LRMDA: variants seen among roughly 807,000 people sequenced by gnomAD.
The protein encoded by LRMDA is leucine-rich melanocyte differentiation-associated protein.
LRMDA carries 18 observed loss-of-function variants against 29.8 expected under a neutral mutation model. The observed-to-expected ratio is 0.60, with a 90% confidence interval of 0.42 to 0.90. The LOEUF is 0.90. Ranked by LOEUF, LRMDA falls within the 40% of genes least tolerant of loss-of-function variation. The pLI, the probability that LRMDA is intolerant of heterozygous loss-of-function variation, is 0.00. For missense variants in LRMDA, 273 were observed against 273.9 expected (o/e 1.00, Z 0.02); for synonymous variants, 125 against 109.4 (o/e 1.14, Z -0.89).
intron 6 of LRMDA, among the ~76,000 whole-genome samples, chr10:76,434,328 T>C (rs1351548660): frequency 6.6e-6 from 1 of 152,088 alleles, no homozygotes; most frequent in Non-Finnish European, 1.5e-5. Context: ...TTATTTACTC[T>C]CTCTCTCTCT....
intron 2 of LRMDA, among the ~76,000 whole-genome samples, chr10:75,712,400 C>T (rs1033313348): frequency 7.5e-6 from 1 of 133,920 alleles, no homozygotes; most frequent in Non-Finnish European, 1.6e-5. Flanking sequence ...GTCAGCAGAT[C>T]GCGGATCCGG....
At chr10:75,629,942 A>G (rs1373945198) in intron 2 of LRMDA, among the ~76,000 whole-genome samples, 2 of 152,230 alleles carry the variant, frequency 1.3e-5, no homozygotes, top group Admixed American at 1.3e-4. Flanking sequence ...TAGAAAATTT[A>G]TTGCAGATCA....
chr10:75,643,886 G>A (rs1589144243), intron 2 of LRMDA, among the ~76,000 whole-genome samples: 1 of 152,302 alleles, frequency 6.6e-6, no homozygotes, highest in African/African-American at 2.4e-5. Context: ...AGTGATGTGA[G>A]TCCTGTATTT....
rs116387740 is a variant in LRMDA at position 76,125,210 on chromosome 10, G to A, written c.516+66427G>A. Among the ~76,000 whole-genome samples the A allele has an allele frequency of 4.7e-3, 709 of 152,200 alleles. 5 individuals are homozygous for A. The highest frequency in any genetic ancestry group is 0.016 in the African/African-American group (658 of 41,500). ...CTGTCAGCTGACTGCAATAGAAATC[G>A]CTGTTTCCACTTCTTCCTGTTAACA... On this transcript the variant is annotated intron_variant, in intron 5 of 6. Transcript: ENST00000611255.
At chr10:75,762,343 A>C (rs1843107836) in intron 2 of LRMDA, among the ~76,000 whole-genome samples, 1 of 152,228 alleles carries the variant, frequency 6.6e-6, no homozygotes, top group South Asian at 2.1e-4. Flanking sequence ...ACTTTGTGAA[A>C]ACATTATGAG....
At chr10:75,706,153 C>T (rs909801155) in intron 2 of LRMDA, among the ~76,000 whole-genome samples, 8 of 152,080 alleles carry the variant, frequency 5.3e-5, no homozygotes, top group Non-Finnish European at 1.2e-4. Context: ...AGACTGCATA[C>T]TATTCTATCA....
At chr10:75,970,191 A>G (rs913799747) in intron 2 of LRMDA, among the ~76,000 whole-genome samples, 10 of 152,176 alleles carry the variant, frequency 6.6e-5, no homozygotes, top group African/African-American at 2.4e-4. Context: ...TTTGTGGAAA[A>G]GGAGTGGGCT....
rs12411499 is a variant in LRMDA at position 75,559,793 on chromosome 10, G to A, written c.131+121299G>A. On this transcript the variant is annotated intron_variant, in intron 2 of 6. Coordinates refer to ENST00000611255, the MANE Select transcript of LRMDA (RefSeq NM_001305581.2). ...AGCACCATTTATTAAATAGGGAATC[G>A]TTTCCCCATTTCTTGTTTTTGTCAG... 4.6e-4 allele frequency among the ~76,000 whole-genome samples: 29 copies of A among 62,874 alleles called. 5 individuals are homozygous for A. Among genetic ancestry groups the A allele is most frequent in the African/African-American group, 8.0e-4 (23 of 28,576 alleles). The allele number at this position is 62,874 out of a possible 152,430, so 41.2% of individuals were successfully genotyped here.
At chr10:75,970,534 T>C (rs772814060) in intron 2 of LRMDA, among the ~76,000 whole-genome samples, 1 of 152,262 alleles carries the variant, frequency 6.6e-6, no homozygotes, top group South Asian at 2.1e-4. Context: ...CTTTAATTGC[T>C]TGGGTCCCAC....
intron 2 of LRMDA, among the ~76,000 whole-genome samples, chr10:75,737,303 G>A (rs535164811): frequency 6.6e-6 from 1 of 152,354 alleles, no homozygotes; most frequent in South Asian, 2.1e-4. Flanking sequence ...GAATGCGTCA[G>A]ATGTGCTCAG....
intron 2 of LRMDA, among the ~76,000 whole-genome samples, chr10:75,576,846 A>G (rs1840512100): frequency 6.6e-6 from 1 of 152,204 alleles, no homozygotes. Flanking sequence ...ATCAACATCA[A>G]CAAAAAGGAT....
chr10:75,552,413 G>GTTTT, intron 2 of LRMDA: 2 of 231,224 alleles, frequency 8.6e-6, no homozygotes, highest in Non-Finnish European at 9.2e-6. Flanking sequence ...TTTGTTCTGT[G>GTTTT]TTTTTTTTTT....
At chr10:75,448,047 C>T (rs558949179) in intron 2 of LRMDA, among the ~76,000 whole-genome samples, 17 of 152,130 alleles carry the variant, frequency 1.1e-4, no homozygotes, top group Admixed American at 2.0e-4. Flanking sequence ...CTTTGTGCCA[C>T]GGTAAGACTG....
intron 6 of LRMDA, among the ~76,000 whole-genome samples, chr10:76,432,041 C>T (rs1564539916): frequency 6.6e-6 from 1 of 152,168 alleles, no homozygotes; most frequent in Non-Finnish European, 1.5e-5. Context: ...TCTTTATCAG[C>T]AGTGTGAAAA....
At chr10:75,969,262 G>A (rs1392298391) in intron 2 of LRMDA, among the ~76,000 whole-genome samples, 1 of 152,196 alleles carries the variant, frequency 6.6e-6, no homozygotes, top group East Asian at 1.9e-4. Context: ...TGAGTCTAAA[G>A]TCTGTTTTCC....
chr10:76,232,035 G>T (rs796298266), intron 5 of LRMDA, among the ~76,000 whole-genome samples: 4 of 152,248 alleles, frequency 2.6e-5, no homozygotes, highest in African/African-American at 9.6e-5. Flanking sequence ...GTAAATGGAG[G>T]TGAAACCCAG....
chr10:75,971,736 T>G (rs183794189), intron 2 of LRMDA, among the ~76,000 whole-genome samples: 1 of 152,334 alleles, frequency 6.6e-6, no homozygotes, highest in East Asian at 1.9e-4. Context: ...AGACATTATC[T>G]TAATAAAGGC....
intron 2 of LRMDA, among the ~76,000 whole-genome samples, chr10:75,867,186 C>G (rs575131403): frequency 6.6e-6 from 1 of 151,674 alleles, no homozygotes; most frequent in Non-Finnish European, 1.5e-5. Context: ...TTTTTTGAGA[C>G]GGAGTCTCAC....
intron 2 of LRMDA, chr10:75,882,547 G>A (rs1845312132): frequency 6.6e-6 from 1 of 152,218 alleles, no homozygotes; most frequent in South Asian, 2.1e-4. Context: ...AAAGATATAT[G>A]TCTTTTCTAT....
Sources: gnomAD v4.1 joint callset for allele counts (sites outside exome capture counted in the v4.1 genomes callset) on GRCh38, gnomAD v4.1.1 for gene constraint, MANE v1.5 for transcripts, NCBI Gene and HGNC (gene_info 2026-07-23, HGNC 2026-07-21) for gene names.